The following KMT2B variants were observed in gnomAD, a reference collection of about 807,000 sequenced individuals.
The protein encoded by KMT2B is histone-lysine N-methyltransferase 2B.
A neutral mutation model predicts 255.3 loss-of-function variants in KMT2B; 22 were observed. The ratio of observed to expected loss-of-function variants is 0.09; its 90% CI spans 0.06 to 0.12. The LOEUF is 0.12. Among genes scored for constraint, KMT2B ranks in the 10% least tolerant of loss-of-function variants. The probability of loss-of-function intolerance (pLI) is 1.00; values close to 1 mark genes in which losing one functional copy is unlikely to be tolerated. For synonymous variants in KMT2B, 1,730 were observed against 1,498.1 expected (o/e 1.15, Z -3.57); for missense variants, 3,149 against 3,737.0 (o/e 0.84, Z 4.10).
chr19:35,735,050 G>A (rs1184909506), intron 30 of KMT2B, among the ~76,000 whole-genome samples: 2 of 152,110 alleles, frequency 1.3e-5, no homozygotes, highest in African/African-American at 2.4e-5. Context: ...CTGAGAAACC[G>A]AGCAGTGAGA....
At chr19:35,724,152 G>A in intron 8 of KMT2B, 145 bp downstream of exon 8, 1 of 757,032 alleles carries the variant, frequency 1.3e-6, no homozygotes, top group East Asian at 2.7e-5. Context: ...GTTTTTAGGT[G>A]GATGTACAGA....
rs559080956 is a variant in KMT2B at position 35,719,662 on chromosome 19, C to T, written c.436+121C>T. The T allele has an allele frequency of 4.3e-5, 65 of 1,512,956 alleles. No homozygotes were observed. In the African/African-American group the frequency reaches 7.6e-4, roughly 18 times the overall value. The allele number at this position is 1,512,956 out of a possible 1,614,324, so 93.7% of individuals were successfully genotyped here. A position where few individuals can be genotyped will look rare whatever the true frequency, so the allele number is the denominator to read the frequency against. ...GCCGAATGTGTTCTGTGTTCAGAGT[C>T]CAAGCTAGTCTGGGCAGCGGGGGAA... On this transcript the variant is annotated intron_variant, in intron 2 of 36. Coordinates refer to ENST00000420124, the MANE Select transcript of KMT2B (RefSeq NM_014727.3).
rs1014637026 is a variant in KMT2B, at chr19:35,723,911, G to A, written c.3238G>A (p.Val1080Ile). The stretch of plus-strand genomic sequence containing the variant: ...GCAGCGCAAGTCAGCTCGGCGCTGC[G>A]TCAAACAGCGACCCTCCTATGATAT... Reference protein sequence around the residue: ...LLQRKSARRCVKQRPSYDIFE... With the variant: ...LLQRKSARRCIKQRPSYDIFE... The change falls in exon 8 of 37, where the codon GTC becomes ATC. Residue 1080 changes from valine (V) to isoleucine (I), a missense_variant. Around this residue, in one of 18 missense-constraint regions of KMT2B, gnomAD observed 136 missense variants for 137.3 expected, o/e 0.99. Coordinates refer to ENST00000420124, the MANE Select transcript of KMT2B (RefSeq NM_014727.3). The surrounding 1 kb of genome is among the most constrained non-coding windows in gnomAD (Gnocchi z 7.5). The A allele has an allele frequency of 2.5e-6, 4 of 1,612,094 alleles. No individual in the cohort carries two copies. The highest frequency in any genetic ancestry group is 1.1e-5 in the South Asian group (1 of 90,908).
At chr19:35,722,238 C>A (rs1363515001) in intron 3 of KMT2B, 121 bp from the exon 4 acceptor site, 1 of 1,012,180 alleles carries the variant, frequency 9.9e-7, no homozygotes, top group African/African-American at 1.6e-5. Context: ...CTCCTGACCT[C>A]GTGATCTGCC....
chr19:35,738,860 A>T lies in KMT2B; in HGVS notation c.*303A>T. 1 of 478,392 alleles carries T rather than the reference A, an allele frequency of 2.1e-6. No homozygotes were observed. The highest frequency in any genetic ancestry group is 3.7e-6 in the Non-Finnish European group (1 of 269,640). 29.6% of individuals were successfully genotyped at this position (478,392 alleles called of 1,614,324 possible). A position where few individuals can be genotyped will look rare whatever the true frequency, so the allele number is the denominator to read the frequency against. ...CCCAGGTGGGAACCCCCCCACAATAAAGTCTGTCAATGTTTGGAGAGGTGG... is the reference window on the plus strand; with the variant it reads ...CCCAGGTGGGAACCCCCCCACAATATAGTCTGTCAATGTTTGGAGAGGTGG... On this transcript the variant is annotated 3_prime_UTR_variant, in exon 37 of 37. Coordinates refer to ENST00000420124, the MANE Select transcript of KMT2B (RefSeq NM_014727.3). The surrounding 1 kb of genome is among the most constrained non-coding windows in gnomAD (Gnocchi z 8.7).
chr19:35,720,073 A>G lies in KMT2B; in HGVS notation c.726A>G (p.Glu242=). ...RRKQQAVVVA[E]AAVTIPKPEP... Reference sequence around the variant, plus strand: ...AGCAGCAAGCAGTAGTGGTGGCAGAAGCAGCTGTGACAATCCCCAAACCTG... The same window carrying G: ...AGCAGCAAGCAGTAGTGGTGGCAGAGGCAGCTGTGACAATCCCCAAACCTG... Residue 242 remains glutamate (E), a synonymous_variant, in exon 3 of 37, where the codon GAA becomes GAG. Transcript: ENST00000420124. The G allele has an allele frequency of 1.2e-6, 2 of 1,607,504 alleles. No individual in the cohort carries two copies. Among genetic ancestry groups the G allele is most frequent in the Non-Finnish European group, 1.7e-6 (2 of 1,176,964 alleles).
Position 35,723,088 on chromosome 19 carries a change from C to T in KMT2B, c.2816C>T (p.Thr939Ile), listed in dbSNP as rs543584446. Reference sequence around the variant, plus strand: ...GGCCCTGGGGGAGAATCAGAGCCCACAGGTTCTGGAGGGACCCTGGCCCAC... The same window carrying T: ...GGCCCTGGGGGAGAATCAGAGCCCATAGGTTCTGGAGGGACCCTGGCCCAC... Reference protein sequence around the residue: ...AAGPGGESEPTGSGGTLAHTP... With the variant: ...AAGPGGESEPIGSGGTLAHTP... Residue 939 changes from threonine to isoleucine, a missense_variant, in exon 6 of 37, where the codon ACA becomes ATA. By Grantham distance (89) the Thr-to-Ile change is moderately conservative. This residue lies in a region of KMT2B where 132 missense variants were observed against 174.7 expected (regional missense o/e 0.76). Coordinates refer to ENST00000420124, the MANE Select transcript of KMT2B (RefSeq NM_014727.3). The surrounding 1 kb of genome is among the most constrained non-coding windows in gnomAD (Gnocchi z 7.5). 6.2e-7 allele frequency: 1 copy of T among 1,613,252 alleles called. No homozygotes were observed. Among genetic ancestry groups the T allele is most frequent in the South Asian group, 1.1e-5 (1 of 91,082 alleles).
chr19:35,734,755 G>T (rs1333775978), intron 30 of KMT2B, among the ~76,000 whole-genome samples: 1 of 152,204 alleles, frequency 6.6e-6, no homozygotes, highest in Non-Finnish European at 1.5e-5. Flanking sequence ...AGTGGCTGGG[G>T]GAGTGGCTGC....
In KMT2B at chr19:35,737,531, A is replaced by T. The variant is rs1329970407; in HGVS notation, c.7551-105A>T. The T allele has an allele frequency of 1.3e-5, 11 of 872,910 alleles. No homozygotes were observed. The highest frequency in any genetic ancestry group is 1.7e-5 in the Non-Finnish European group (10 of 576,430). 54.1% of individuals were successfully genotyped at this position (872,910 alleles called of 1,614,324 possible). Reference sequence around the variant, plus strand: ...ACCCCATCTCTAAAATAAAAATTTAAAAAAGTTATTTCTAGAGCTGACATC... The same window carrying T: ...ACCCCATCTCTAAAATAAAAATTTATAAAAGTTATTTCTAGAGCTGACATC... On this transcript the variant is annotated intron_variant, in intron 33 of 36. Coordinates refer to ENST00000420124, the MANE Select transcript of KMT2B (RefSeq NM_014727.3). This position sits in a 1 kb window ranked among gnomAD's most constrained non-coding sequence, Gnocchi z 5.3.
intron 8 of KMT2B, among the ~76,000 whole-genome samples, chr19:35,724,404 A>G (rs1293326828): frequency 1.3e-5 from 2 of 152,200 alleles, no homozygotes; most frequent in Non-Finnish European, 2.9e-5. Flanking sequence ...AGGCTGAGGC[A>G]GGAGGATCGT....
chr19:35,730,366 G>C lies in KMT2B; in HGVS notation c.5101G>C (p.Asp1701His). Residue 1701 changes from aspartate to histidine, a missense_variant, in exon 24 of 37, where the codon GAT (aspartate) becomes CAT (histidine). Transcript: ENST00000420124. ...GGAAATTGTGAACCCCGATGGTTTT[G>C]ATGTTCTCCGCCGAGTCTATGTGGA... Reference protein sequence around the residue: ...GKEIVNPDGFDVLRRVYVDFE... With the variant: ...GKEIVNPDGFHVLRRVYVDFE... The C allele has an allele frequency of 6.2e-7, 1 of 1,612,954 alleles. No homozygotes were observed. Among genetic ancestry groups the C allele is most frequent in the Non-Finnish European group, 8.5e-7 (1 of 1,179,048 alleles).
At position 35,718,355 on chromosome 19, in the gene KMT2B, A is replaced by G; in HGVS notation, c.337A>G (p.Ser113Gly). 1 of 1,265,164 alleles carries G rather than the reference A, an allele frequency of 7.9e-7. No individual in the cohort carries two copies. Among genetic ancestry groups the G allele is most frequent in the Non-Finnish European group, 1.0e-6 (1 of 999,004 alleles). The allele number at this position is 1,265,164 out of a possible 1,614,324, so 78.4% of individuals were successfully genotyped here. A position where few individuals can be genotyped will look rare whatever the true frequency, so the allele number is the denominator to read the frequency against. Residue 113 changes from serine (S) to glycine (G), a missense_variant, in exon 1 of 37, where the codon AGC becomes GGC. Ser to Gly is a moderately conservative substitution (Grantham distance 56). Transcript: ENST00000420124. The surrounding 1 kb of genome is among the most constrained non-coding windows in gnomAD (Gnocchi z 5.0). ...TCGAGGCTGCGTGCCGGAGGAGGAG[A>G]GCAGTGACGGGGAATCCGACGAGGA... is the stretch of plus-strand genomic sequence containing the variant. ...PSRGCVPEEE[S>G]SDGESDEEEF...
intron 26 of KMT2B, among the ~76,000 whole-genome samples, chr19:35,731,651 G>A (rs1969696877): frequency 6.6e-6 from 1 of 152,188 alleles, no homozygotes; most frequent in African/African-American, 2.4e-5. Context: ...CCCATGGCGT[G>A]CAAAGCCTGC....
chr19:35,719,010 C>G (rs1232537481), intron 1 of KMT2B, among the ~76,000 whole-genome samples: 1 of 152,206 alleles, frequency 6.6e-6, no homozygotes, highest in Non-Finnish European at 1.5e-5. Flanking sequence ...AACCTGAGAG[C>G]TCGCAGTGGA....
chr19:35,738,110 G>C lies in KMT2B; in HGVS notation c.7791G>C (p.Ala2597=), dbSNP rs376694363. Residue 2597 remains alanine, a synonymous_variant, in exon 36 of 37, where the codon GCG becomes GCC. Coordinates refer to ENST00000420124, the MANE Select transcript of KMT2B (RefSeq NM_014727.3). This position sits in a 1 kb window ranked among gnomAD's most constrained non-coding sequence, Gnocchi z 8.7. ...TGTTCTGTAAGCGCAACATCGACGCGGGGGAGATGGTCATCGAGTACTCTG... is the reference window on the plus strand; with the variant it reads ...TGTTCTGTAAGCGCAACATCGACGCCGGGGAGATGGTCATCGAGTACTCTG... ...RGLFCKRNID[A]GEMVIEYSGI... is the part of the protein sequence containing the mutation. 2.5e-6 allele frequency: 4 copies of C among 1,613,848 alleles called. No individual in the cohort carries two copies. Among genetic ancestry groups the C allele is most frequent in the Non-Finnish European group, 3.4e-6 (4 of 1,179,872 alleles).
At chr19:35,724,822 A>G in intron 9 of KMT2B, 91 bp downstream of exon 9, 1 of 1,220,218 alleles carries the variant, frequency 8.2e-7, no homozygotes, top group Admixed American at 2.0e-5. Flanking sequence ...TGGTGTGTCC[A>G]CATGAGAGGA....
Position 35,727,919 on chromosome 19 carries a change from G to A in KMT2B, c.4431G>A (p.Arg1477=). The stretch of plus-strand genomic sequence containing the variant: ...AGGACATGGTGGGCATCCTCATGCG[G>A]CACTCGGAGGAGGGAGAGACCCCGG... ...FMEDMVGILM[R]HSEEGETPDR... Residue 1477 remains arginine (R), a synonymous_variant, in exon 18 of 37, where the codon CGG becomes CGA. Transcript: ENST00000420124. The surrounding 1 kb of genome is among the most constrained non-coding windows in gnomAD (Gnocchi z 4.2). 1 of 1,600,466 alleles carries A rather than the reference G, an allele frequency of 6.2e-7. No homozygotes were observed. The highest frequency in any genetic ancestry group is 1.1e-5 in the South Asian group (1 of 89,544).
rs1367582284 is a variant in KMT2B, at chr19:35,732,673, G to T, written c.6124G>T (p.Val2042Leu). 8.7e-6 allele frequency: 14 copies of T among 1,609,844 alleles called. No homozygotes were observed. Among genetic ancestry groups the T allele is most frequent in the Non-Finnish European group, 1.1e-5 (13 of 1,178,358 alleles). The change falls in exon 28 of 37, where the codon GTG (valine) becomes TTG (leucine). Residue 2042 changes from valine to leucine, a missense_variant. Val to Leu is a conservative substitution (Grantham distance 32). Coordinates refer to ENST00000420124, the MANE Select transcript of KMT2B (RefSeq NM_014727.3). ...SRYIHFPVTVVSAPGLAPSAT... is the reference protein window; with the variant it reads ...SRYIHFPVTVLSAPGLAPSAT... Reference sequence around the variant, plus strand: ...CTACATCCACTTCCCTGTGACTGTGGTGTCCGCCCCTGGTCTGGCCCCCAG... The same window carrying T: ...CTACATCCACTTCCCTGTGACTGTGTTGTCCGCCCCTGGTCTGGCCCCCAG...
chr19:35,733,671 G>A lies in KMT2B; in HGVS notation c.7034G>A (p.Gly2345Glu). The A allele has an allele frequency of 6.2e-7, 1 of 1,602,254 alleles. No homozygotes were observed. The highest frequency in any genetic ancestry group is 8.5e-7 in the Non-Finnish European group (1 of 1,174,758). Residue 2345 changes from glycine (G) to glutamate (E), a missense_variant, in exon 29 of 37, where the codon GGG becomes GAG. By Grantham distance (98) the Gly-to-Glu change is moderately conservative. Transcript: ENST00000420124. This position sits in a 1 kb window ranked among gnomAD's most constrained non-coding sequence, Gnocchi z 4.3. ...CTGGATCGGCCTGGGGAGCCCGCTG[G>A]GGAAGAAAGTCCTGGGTGAGTGGCC... ...LDLDRPGEPA[G>E]EESPGPLQER...
Sources: allele counts gnomAD v4.1 joint callset (sites outside exome capture counted in the v4.1 genomes callset), GRCh38; gene constraint gnomAD v4.1.1; regional missense constraint gnomAD v4.1.1; non-coding constraint Gnocchi (gnomAD v3.1); transcripts MANE v1.5; gene names NCBI Gene and HGNC (gene_info 2026-07-23, HGNC 2026-07-21).